GRM7: variants seen among roughly 807,000 people sequenced by gnomAD.
GRM7 encodes the protein metabotropic glutamate receptor 7.
A neutral mutation model predicts 84.5 loss-of-function variants in GRM7; 35 were observed. That is an observed-to-expected ratio of 0.41 (90% CI 0.32 to 0.55). The LOEUF (loss-of-function observed/expected upper bound fraction) is 0.55, where lower values mean the gene tolerates loss of function less well. Ranked by LOEUF, GRM7 falls within the 20% of genes least tolerant of loss-of-function variation. GRM7 has a pLI of 0.19. For missense variants in GRM7, 1,003 were observed against 1,194.6 expected, an observed-to-expected ratio of 0.84 and a Z score of 2.36; for synonymous variants, 487 against 455.1, an observed-to-expected ratio of 1.07 and a Z score of -0.89.
intron 2 of GRM7, among the ~76,000 whole-genome samples, chr3:7,171,406 A>C (rs2125088418): frequency 6.6e-6 from 1 of 152,320 alleles, no homozygotes; most frequent in South Asian, 2.1e-4. Flanking sequence ...GCTATCTCTA[A>C]ATAAGATCAC....
intron 1 of GRM7, among the ~76,000 whole-genome samples, chr3:6,900,766 G>T (rs982170863): frequency 1.3e-5 from 2 of 152,204 alleles, no homozygotes; most frequent in African/African-American, 4.8e-5. Context: ...TAACAATGCA[G>T]TGAGGTTAAA....
chr3:7,562,760 G>A (rs1450094), intron 7 of GRM7, among the ~76,000 whole-genome samples: 28,213 of 152,014 alleles, frequency 0.19, 2,786 homozygotes, highest in South Asian at 0.28. Context: ...TTAAATCAAG[G>A]AGGCCTCATT....
intron 8 of GRM7, among the ~76,000 whole-genome samples, chr3:7,585,059 A>T (rs984309109): frequency 1.3e-5 from 2 of 152,192 alleles, no homozygotes; most frequent in African/African-American, 4.8e-5. Context: ...CTCTTCTAGC[A>T]TGCTTAGTAA....
intron 4 of GRM7, among the ~76,000 whole-genome samples, chr3:7,388,570 C>T (rs985041191): frequency 1.3e-5 from 2 of 151,930 alleles, no homozygotes; most frequent in Non-Finnish European, 2.9e-5. Context: ...CTGTCTGGTC[C>T]AAGGCTTTTT....
chr3:7,694,514 T>A (rs899922491), intron 9 of GRM7: 9 of 226,896 alleles, frequency 4.0e-5, no homozygotes, highest in African/African-American at 2.1e-4. Flanking sequence ...TTTTACATCT[T>A]GAAATATCAA....
chr3:7,571,352 C>T (rs1488288216), intron 7 of GRM7, among the ~76,000 whole-genome samples: 2 of 152,156 alleles, frequency 1.3e-5, no homozygotes, highest in East Asian at 3.9e-4. Context: ...CCTTTAACAG[C>T]ACCCAAGTCA....
At chr3:7,276,207 ATGTGTGTG>A (rs923161861) in intron 2 of GRM7, among the ~76,000 whole-genome samples, 1 of 96,666 alleles carries the variant, frequency 1.0e-5, no homozygotes, top group Non-Finnish European at 2.1e-5. Flanking sequence ...ATATATATAT[ATGTGTGTG>A]TGTGTGTGTG....
intron 2 of GRM7, among the ~76,000 whole-genome samples, chr3:7,205,975 A>G (rs750114446): frequency 1.3e-5 from 2 of 152,110 alleles, no homozygotes; most frequent in Admixed American, 6.6e-5. Context: ...GTTAGACATA[A>G]TTCTCTTTAT....
chr3:7,071,483 C>T (rs577430991), intron 1 of GRM7, among the ~76,000 whole-genome samples: 50 of 152,008 alleles, frequency 3.3e-4, no homozygotes, highest in South Asian at 4.2e-4. Flanking sequence ...ACCCAGCTTC[C>T]TTCATGTTTT....
chr3:7,542,350 G>A (rs181360756), intron 7 of GRM7, among the ~76,000 whole-genome samples: 1 of 152,132 alleles, frequency 6.6e-6, no homozygotes, highest in Non-Finnish European at 1.5e-5. Context: ...TCTACCACAT[G>A]GTCTTTAAAC....
chr3:7,564,694 C>T (rs1273096220), intron 7 of GRM7, among the ~76,000 whole-genome samples: 4 of 152,084 alleles, frequency 2.6e-5, no homozygotes, highest in Non-Finnish European at 4.4e-5. Context: ...ACTGCCATGT[C>T]TCAGGCATCA....
intron 3 of GRM7, among the ~76,000 whole-genome samples, chr3:7,304,952 G>C (rs1700137013): frequency 6.6e-6 from 1 of 152,102 alleles, no homozygotes. Flanking sequence ...AAAAAGCTCT[G>C]TGCCCACGGG....
At chr3:7,728,861 T>C (rs1017412066) in intron 9 of GRM7, among the ~76,000 whole-genome samples, 2 of 152,188 alleles carry the variant, frequency 1.3e-5, no homozygotes, top group African/African-American at 4.8e-5. Context: ...TATTTGCTTG[T>C]TCGTTTAGAA....
chr3:7,351,249 C>T (rs938000161), intron 4 of GRM7, among the ~76,000 whole-genome samples: 9 of 138,110 alleles, frequency 6.5e-5, no homozygotes, highest in African/African-American at 1.9e-4. Flanking sequence ...TCCCAGAGAA[C>T]ACAAACATAG....
At chr3:7,524,145 T>C (rs1239553) in intron 7 of GRM7, among the ~76,000 whole-genome samples, 74,991 of 150,296 alleles carry the variant, frequency 0.5, 19,819 homozygotes, top group African/African-American at 0.69. Context: ...ACGTTAGACC[T>C]AAAACCATAA....
chr3:6,974,912 G>A (rs140573127), intron 1 of GRM7, among the ~76,000 whole-genome samples: 31 of 152,228 alleles, frequency 2.0e-4, no homozygotes, highest in Middle Eastern at 3.4e-3. Context: ...TAAATAGATC[G>A]TGCTTTGGGG....
At chr3:7,459,569 C>T (rs975234238) in intron 6 of GRM7, among the ~76,000 whole-genome samples, 1 of 151,896 alleles carries the variant, frequency 6.6e-6, no homozygotes, top group Non-Finnish European at 1.5e-5. Flanking sequence ...TGGTGGCGGG[C>T]AAAAGAGAAT....
intron 1 of GRM7, among the ~76,000 whole-genome samples, chr3:6,912,937 A>C (rs764775814): frequency 1.3e-5 from 2 of 152,188 alleles, no homozygotes; most frequent in Non-Finnish European, 2.9e-5. Flanking sequence ...TAATTTAAAA[A>C]ACAATTACAT....
intron 1 of GRM7, among the ~76,000 whole-genome samples, chr3:7,035,060 G>A (rs1285071328): frequency 1.3e-5 from 2 of 152,300 alleles, no homozygotes; most frequent in East Asian, 3.9e-4. Context: ...GGAAGAGCAG[G>A]TGGAGGTATA....
Sources: gnomAD v4.1 joint callset for allele counts (sites outside exome capture counted in the v4.1 genomes callset) on GRCh38, gnomAD v4.1.1 for gene constraint, MANE v1.5 for transcripts, NCBI Gene and HGNC (gene_info 2026-07-23, HGNC 2026-07-21) for gene names.